Variants in RNLS observed in about 807,000 individuals in gnomAD.
RNLS encodes renalase.
A neutral mutation model predicts 39.8 loss-of-function variants in RNLS; 39 were observed. The ratio of observed to expected loss-of-function variants is 0.98; its 90% confidence interval spans 0.76 to 1.28. RNLS has a LOEUF of 1.28. Ranked by LOEUF, RNLS falls within the 50% of genes most tolerant of loss-of-function variation. The probability of loss-of-function intolerance (pLI) is 0.00; values close to 1 mark genes in which losing one functional copy is unlikely to be tolerated. For missense variants in RNLS, 410 were observed against 413.3 expected, an observed-to-expected ratio of 0.99 and a Z score of 0.07; for synonymous variants, 147 against 150.7, an observed-to-expected ratio of 0.98 and a Z score of 0.18.
intron 4 of RNLS, among the ~76,000 whole-genome samples, chr10:88,475,997 T>A (rs1843804490): frequency 1.3e-5 from 2 of 152,160 alleles, no homozygotes; most frequent in African/African-American, 4.8e-5. Context: ...TCTTTGGAGA[T>A]GTTCTATAAA....
intron 4 of RNLS, among the ~76,000 whole-genome samples, chr10:88,448,638 T>C (rs547401235): frequency 2.0e-5 from 3 of 152,350 alleles, no homozygotes; most frequent in East Asian, 3.9e-4. Context: ...GACCCAGCCA[T>C]CCCATTACTG....
chr10:88,372,318 T>C (rs1442191291), intron 4 of RNLS, among the ~76,000 whole-genome samples: 2 of 152,210 alleles, frequency 1.3e-5, no homozygotes, highest in East Asian at 3.9e-4. Context: ...AAGAACAATC[T>C]GTCAAGGAAA....
At chr10:88,466,820 A>G in intron 4 of RNLS, among the ~76,000 whole-genome samples, 1 of 152,196 alleles carries the variant, frequency 6.6e-6, no homozygotes, top group East Asian at 1.9e-4. Flanking sequence ...CTTGGGAAAA[A>G]ATAGAGACGC....
At chr10:88,415,532 G>A (rs1469674493) in intron 4 of RNLS, among the ~76,000 whole-genome samples, 1 of 152,076 alleles carries the variant, frequency 6.6e-6, no homozygotes, top group African/African-American at 2.4e-5. Flanking sequence ...ACTGGTTTGT[G>A]TATCTATAGA....
chr10:88,342,076 T>C (rs1847997418), intron 5 of RNLS, among the ~76,000 whole-genome samples: 1 of 152,194 alleles, frequency 6.6e-6, no homozygotes, highest in Admixed American at 6.5e-5. Flanking sequence ...GTCAATGGAT[T>C]AGGAGGGAAA....
intron 4 of RNLS, among the ~76,000 whole-genome samples, chr10:88,444,814 G>C (rs893334842): frequency 6.6e-6 from 1 of 152,138 alleles, no homozygotes; most frequent in Non-Finnish European, 1.5e-5. Context: ...AGAAATATGG[G>C]ACTATGTGAA....
the RNLS span, among the ~76,000 whole-genome samples, chr10:88,266,933 G>A: frequency 6.6e-6 from 1 of 152,082 alleles, no homozygotes; most frequent in Non-Finnish European, 1.5e-5. Flanking sequence ...TCTTTGCTCT[G>A]GGGATCTGCA....
intron 4 of RNLS, 109 bp from the exon 5 acceptor site, chr10:88,362,834 A>C: frequency 1.1e-6 from 1 of 879,892 alleles, no homozygotes; most frequent in Non-Finnish European, 1.7e-6. Context: ...CACCAACTCC[A>C]TCTCACTTAC....
chr10:88,501,433 C>T (rs1361837821), intron 4 of RNLS, among the ~76,000 whole-genome samples: 2 of 152,124 alleles, frequency 1.3e-5, no homozygotes, highest in Non-Finnish European at 2.9e-5. Flanking sequence ...AGTATACAAT[C>T]TTATTCACAA....
intron 4 of RNLS, among the ~76,000 whole-genome samples, chr10:88,503,770 C>T (rs1845630417): frequency 6.6e-6 from 1 of 152,122 alleles, no homozygotes; most frequent in Non-Finnish European, 1.5e-5. Context: ...GAGATTATTC[C>T]CTCCCCTTCC....
intron 4 of RNLS, among the ~76,000 whole-genome samples, chr10:88,463,629 A>G (rs1843050291): frequency 6.6e-6 from 1 of 152,076 alleles, no homozygotes; most frequent in Admixed American, 6.6e-5. Flanking sequence ...CTTCACTGAG[A>G]AAAATAATAC....
intron 4 of RNLS, among the ~76,000 whole-genome samples, chr10:88,467,807 G>C (rs1231040808): frequency 2.0e-5 from 3 of 152,206 alleles, no homozygotes; most frequent in Admixed American, 2.0e-4. Flanking sequence ...TTTAAAGTGG[G>C]GACCATGGAC....
At chr10:88,393,162 A>G (rs1202004754) in intron 4 of RNLS, among the ~76,000 whole-genome samples, 1 of 152,184 alleles carries the variant, frequency 6.6e-6, no homozygotes, top group African/African-American at 2.4e-5. Context: ...TACCACTCCT[A>G]TTCAACATAG....
chr10:88,455,730 T>C (rs1842594013), intron 4 of RNLS, among the ~76,000 whole-genome samples: 1 of 152,142 alleles, frequency 6.6e-6, no homozygotes, highest in Non-Finnish European at 1.5e-5. Context: ...AATCCTCCCT[T>C]TTCTCTTTTT....
intron 5 of RNLS, among the ~76,000 whole-genome samples, chr10:88,327,757 T>C (rs775566948): frequency 1.3e-5 from 2 of 152,140 alleles, no homozygotes; most frequent in African/African-American, 4.8e-5. Flanking sequence ...TGTATGTATG[T>C]ACGTATGTAT....
chr10:88,205,854 C>A, the RNLS span, among the ~76,000 whole-genome samples: 2 of 152,178 alleles, frequency 1.3e-5, no homozygotes, highest in Non-Finnish European at 2.9e-5. Context: ...AGGCAATATT[C>A]TCTTTTAAAG....
At chr10:88,296,186 A>G (rs1179156348) in intron 6 of RNLS, among the ~76,000 whole-genome samples, 1 of 152,146 alleles carries the variant, frequency 6.6e-6, no homozygotes, top group Non-Finnish European at 1.5e-5. Flanking sequence ...TTTTGTTTTC[A>G]TCTAAATATA....
At chr10:88,430,160 T>C (rs1240339997) in intron 4 of RNLS, among the ~76,000 whole-genome samples, 1 of 151,872 alleles carries the variant, frequency 6.6e-6, no homozygotes, top group Non-Finnish European at 1.5e-5. Context: ...TTTACTTAGG[T>C]CTTCTGTATG....
the RNLS span, chr10:88,259,252 C>T: frequency 3.9e-5 from 6 of 152,196 alleles, no homozygotes; most frequent in Non-Finnish European, 7.3e-5. Flanking sequence ...AAGATTCTCA[C>T]TCCTATCTGA....
Sources: gnomAD v4.1 joint callset for allele counts (sites outside exome capture counted in the v4.1 genomes callset) on GRCh38, gnomAD v4.1.1 for gene constraint, MANE v1.5 for transcripts, NCBI Gene and HGNC (gene_info 2026-07-23, HGNC 2026-07-21) for gene names.